The following RNF149 variants were observed in gnomAD, a reference collection of about 807,000 sequenced individuals.
RNF149 encodes ring finger protein 149.
RNF149 carries 21 observed loss-of-function variants against 39.0 expected under a neutral mutation model. The ratio of observed to expected loss-of-function variants is 0.54; its 90% CI spans 0.38 to 0.77. RNF149 has a LOEUF of 0.77. Among genes scored for constraint, RNF149 ranks in the 30% least tolerant of loss-of-function variants. RNF149 has a pLI of 0.00. For synonymous variants in RNF149, 209 were observed against 213.6 expected, an observed-to-expected ratio of 0.98 and a Z score of 0.19; for missense variants, 493 against 534.9, an observed-to-expected ratio of 0.92 and a Z score of 0.77.
chr2:101,275,029 AGGT>A (rs1479652806), downstream of RNF149, among the ~76,000 whole-genome samples: 3 of 150,352 alleles, frequency 2.0e-5, no homozygotes, highest in African/African-American at 7.3e-5. Flanking sequence ...TCTTGACCTC[AGGT>A]GATCCTCCCA....
At chr2:101,308,081 C>G (rs769878414) in intron 1 of RNF149, 48 bp downstream of exon 1, 1 of 1,587,026 alleles carries the variant, frequency 6.3e-7, no homozygotes, top group South Asian at 1.1e-5. Flanking sequence ...ACCCCAGCCT[C>G]GGCTGCCGCG....
chr2:101,276,057 T>C lies in RNF149; in HGVS notation c.*1181A>G. 4 of 837,460 alleles carry C rather than the reference T, an allele frequency of 4.8e-6. No individual in the cohort carries two copies. The highest frequency in any genetic ancestry group is 5.8e-6 in the Non-Finnish European group (4 of 695,114). 51.9% of individuals were successfully genotyped at this position (837,460 alleles called of 1,614,324 possible). ...TATATAAATCTTTATATCCTACATATGGCTATAAAAATAAATTTATAATTT... is the reference window on the plus strand; with the variant it reads ...TATATAAATCTTTATATCCTACATACGGCTATAAAAATAAATTTATAATTT... On this transcript the variant is annotated 3_prime_UTR_variant, in exon 7 of 7. Transcript: ENST00000295317.
intron 1 of RNF149, among the ~76,000 whole-genome samples, chr2:101,298,147 T>C (rs946210135): frequency 8.5e-5 from 13 of 152,338 alleles, no homozygotes; most frequent in African/African-American, 2.4e-4. Context: ...AGATTTACTG[T>C]TGGCCAGGCA....
chr2:101,288,006 A>C (rs1050527566), intron 4 of RNF149, among the ~76,000 whole-genome samples: 5 of 152,038 alleles, frequency 3.3e-5, no homozygotes, highest in African/African-American at 1.2e-4. Context: ...GTATCCCATT[A>C]CTTTTTTTGG....
At chr2:101,275,532 T>C (rs535430968), downstream of RNF149, among the ~76,000 whole-genome samples, 257 of 123,142 alleles carry the variant, frequency 2.1e-3, 1 homozygote, top group Non-Finnish European at 3.5e-3. Context: ...AGCTCTGCCT[T>C]CCGGGTTCAC....
chr2:101,280,467 TA>T (rs1682538554), intron 6 of RNF149, among the ~76,000 whole-genome samples: 2 of 152,026 alleles, frequency 1.3e-5, no homozygotes, highest in Admixed American at 1.3e-4. Flanking sequence ...GATTTAAATG[TA>T]AAATACAAAA....
chr2:101,280,506 A>G (rs986403529), intron 6 of RNF149, among the ~76,000 whole-genome samples: 3 of 152,176 alleles, frequency 2.0e-5, no homozygotes, highest in African/African-American at 4.8e-5. Context: ...AGTACAGGTC[A>G]ATATCTTTAC....
At position 101,276,770 on chromosome 2, in the gene RNF149, T is replaced by G; in HGVS notation, c.*468A>C. The G allele has an allele frequency of 1.0e-6, 1 of 990,096 alleles. No individual in the cohort carries two copies. Among genetic ancestry groups the G allele is most frequent in the South Asian group, 4.5e-5 (1 of 22,132 alleles). 61.3% of individuals were successfully genotyped at this position (990,096 alleles called of 1,614,324 possible). ...ATCTCAGTTTACAAGTTTCAAGTTCTTAAAAAAAAAACAACAAAAAAAACC... is the reference window on the plus strand; with the variant it reads ...ATCTCAGTTTACAAGTTTCAAGTTCGTAAAAAAAAAACAACAAAAAAAACC... On this transcript the variant is annotated 3_prime_UTR_variant, in exon 7 of 7. Transcript: ENST00000295317.
At position 101,276,131 on chromosome 2, in the gene RNF149, A is replaced by G; in HGVS notation, c.*1107T>C. Reference sequence around the variant, plus strand: ...TTATTTTTACCTACAAAGTAAAGATATACAGAATAACTAGGAGCAAGGAAA... The same window carrying G: ...TTATTTTTACCTACAAAGTAAAGATGTACAGAATAACTAGGAGCAAGGAAA... On this transcript the variant is annotated 3_prime_UTR_variant, in exon 7 of 7. Transcript: ENST00000295317. 1.0e-6 allele frequency: 1 copy of G among 959,630 alleles called. No homozygotes were observed. Among genetic ancestry groups the G allele is most frequent in the African/African-American group, 1.8e-5 (1 of 56,880 alleles). 59.4% of individuals were successfully genotyped at this position (959,630 alleles called of 1,614,324 possible).
At chr2:101,307,919 T>C (rs1683737807) in intron 1 of RNF149, 1 of 985,264 alleles carries the variant, frequency 1.0e-6, no homozygotes, top group Non-Finnish European at 1.2e-6. Flanking sequence ...AAGGCGAAGA[T>C]CACATCTTGT....
At chr2:101,275,021 T>C (rs1177932893), downstream of RNF149, among the ~76,000 whole-genome samples, 3 of 151,874 alleles carry the variant, frequency 2.0e-5, no homozygotes, top group East Asian at 3.9e-4. Flanking sequence ...TCTTGAACTC[T>C]TGACCTCAGG....
rs375581084 is a variant in RNF149 at position 101,308,260 on chromosome 2, A to G, written c.329T>C (p.Val110Ala). 46 of 1,587,094 alleles carry G rather than the reference A, an allele frequency of 2.9e-5. No individual in the cohort carries two copies. The African/African-American group carries it at 6.3e-4, about 22-fold the overall frequency. ...EPGGRGAAPW[V>A]ALVARGGCTF... Reference sequence around the variant, plus strand: ...GCAGCCCCCACGAGCCACCAGGGCGACCCAGGGCGCGGCCCCTCGGCCGCC... The same window carrying G: ...GCAGCCCCCACGAGCCACCAGGGCGGCCCAGGGCGCGGCCCCTCGGCCGCC... The change falls in exon 1 of 7, where the codon GTC becomes GCC. Residue 110 changes from valine to alanine, a missense_variant. Transcript: ENST00000295317.
chr2:101,305,143 T>C (rs1376185546), intron 1 of RNF149, among the ~76,000 whole-genome samples: 7 of 152,098 alleles, frequency 4.6e-5, no homozygotes, highest in Admixed American at 4.6e-4. Context: ...CTCGGCCTAG[T>C]ATTCAATTTT....
chr2:101,291,008 C>T (rs1326069413), intron 3 of RNF149, among the ~76,000 whole-genome samples: 3 of 152,224 alleles, frequency 2.0e-5, no homozygotes, highest in African/African-American at 7.2e-5. Context: ...CAATCAGTAT[C>T]AGCATGTGGC....
In RNF149 at chr2:101,275,755, TAAAGAC is replaced by T. The variant is rs1368647617; in HGVS notation, c.*1477_*1482del. ...CGCGCCCGGCCCTCCTAGTATTTCTTAAAGACAAAGAGCAAACAATCTACTTGCTAC... is the reference window on the plus strand; with the variant it reads ...CGCGCCCGGCCCTCCTAGTATTTCTTAAAGAGCAAACAATCTACTTGCTAC... On this transcript the variant is annotated 3_prime_UTR_variant, in exon 7 of 7. Coordinates refer to ENST00000295317, the MANE Select transcript of RNF149 (RefSeq NM_173647.4). 2 of 978,454 alleles carry T rather than the reference TAAAGAC, an allele frequency of 2.0e-6. No homozygotes were observed. The highest frequency in any genetic ancestry group is 2.4e-6 in the Non-Finnish European group (2 of 823,770). The allele number at this position is 978,454 out of a possible 1,614,324, so 60.6% of individuals were successfully genotyped here.
intron 6 of RNF149, among the ~76,000 whole-genome samples, chr2:101,280,445 A>C (rs370404329): frequency 6.6e-6 from 1 of 152,108 alleles, no homozygotes; most frequent in South Asian, 2.1e-4. Context: ...TTACATTTAA[A>C]TCTTACATTA....
downstream of RNF149, among the ~76,000 whole-genome samples, chr2:101,272,468 CAA>C (rs561682772): frequency 3.2e-3 from 489 of 152,214 alleles, 5 homozygotes; most frequent in African/African-American, 0.011. Context: ...AATATGGTGA[CAA>C]GTGTTTTAAA....
chr2:101,306,958 C>A (rs970734873), intron 1 of RNF149, among the ~76,000 whole-genome samples: 10 of 152,174 alleles, frequency 6.6e-5, no homozygotes, highest in Admixed American at 6.5e-4. Flanking sequence ...CCAAAACTAA[C>A]CACATTAAGC....
rs1682322835 is a variant in RNF149, at chr2:101,275,740, C to T, written c.*1498G>A. 2 of 965,670 alleles carry T rather than the reference C, an allele frequency of 2.1e-6. No individual in the cohort carries two copies. The highest frequency in any genetic ancestry group is 6.2e-5 in the Admixed American group (1 of 16,240). 59.8% of individuals were successfully genotyped at this position (965,670 alleles called of 1,614,324 possible). On this transcript the variant is annotated 3_prime_UTR_variant, in exon 7 of 7. Coordinates refer to ENST00000295317, the MANE Select transcript of RNF149 (RefSeq NM_173647.4). ...ACAGGCGTGAGCCACCGCGCCCGGC[C>T]CTCCTAGTATTTCTTAAAGACAAAG...
Sources: gnomAD v4.1 joint callset for allele counts (sites outside exome capture counted in the v4.1 genomes callset) on GRCh38, gnomAD v4.1.1 for gene constraint, MANE v1.5 for transcripts, NCBI Gene and HGNC (gene_info 2026-07-23, HGNC 2026-07-21) for gene names.